OVCH1: variants seen among roughly 807,000 people sequenced by gnomAD.
OVCH1 encodes ovochymase 1.
OVCH1 carries 139 observed loss-of-function variants against 138.4 expected under a neutral mutation model. That is an observed-to-expected ratio of 1.00 (90% CI 0.87 to 1.16). The LOEUF is 1.16. Ranked by LOEUF, OVCH1 falls within the 50% of genes most tolerant of loss-of-function variation. OVCH1 has a pLI of 0.00. For synonymous variants in OVCH1, 453 were observed against 467.8 expected (o/e 0.97, Z 0.41); for missense variants, 1,367 against 1,357.9 (o/e 1.01, Z -0.11).
At chr12:29,446,728 A>G (rs1300837335) in intron 22 of OVCH1, among the ~76,000 whole-genome samples, 3 of 152,090 alleles carry the variant, frequency 2.0e-5, no homozygotes, top group African/African-American at 4.8e-5. Flanking sequence ...AGTGCTATCA[A>G]TTGGGAAGAA....
At chr12:29,470,463 G>GGTTT (rs1942465692) in intron 16 of OVCH1, among the ~76,000 whole-genome samples, 2 of 152,116 alleles carry the variant, frequency 1.3e-5, no homozygotes, top group Non-Finnish European at 2.9e-5. Context: ...GTGAGAACAT[G>GGTTT]CATTGTTTGG....
At chr12:29,471,213 ATATATTATG>A (rs1942497438) in intron 16 of OVCH1, among the ~76,000 whole-genome samples, 1 of 152,224 alleles carries the variant, frequency 6.6e-6, no homozygotes, top group African/African-American at 2.4e-5. Flanking sequence ...TAAACTACAA[ATATATTATG>A]TATATTATTT....
intron 25 of OVCH1, 130 bp downstream of exon 25, chr12:29,443,231 T>C: frequency 1.1e-6 from 1 of 880,260 alleles, no homozygotes; most frequent in Non-Finnish European, 1.6e-6. Context: ...TAACAGTAAG[T>C]CTATTTCAAC....
downstream of OVCH1, among the ~76,000 whole-genome samples, chr12:29,410,632 A>G (rs1173400838): frequency 2.5e-4 from 36 of 145,338 alleles, no homozygotes; most frequent in South Asian, 2.3e-4. Context: ...AATGTTGAAT[A>G]TTGGCCCCCA....
chr12:29,426,782 C>G (rs910812846), downstream of OVCH1, among the ~76,000 whole-genome samples: 1 of 152,198 alleles, frequency 6.6e-6, no homozygotes, highest in Non-Finnish European at 1.5e-5. Flanking sequence ...GCAACATCAT[C>G]TATTGTCTAA....
intron 8 of OVCH1, among the ~76,000 whole-genome samples, chr12:29,482,730 G>A (rs1173122374): frequency 1.3e-5 from 2 of 152,158 alleles, no homozygotes; most frequent in African/African-American, 4.8e-5. Context: ...GATGGCATTT[G>A]ATCTGATTTT....
intron 26 of OVCH1, among the ~76,000 whole-genome samples, chr12:29,434,684 C>T (rs1478208306): frequency 6.7e-6 from 1 of 149,722 alleles, no homozygotes; most frequent in East Asian, 1.9e-4. Flanking sequence ...AAAAGTGAAT[C>T]TCTTTCACAT....
intron 25 of OVCH1, among the ~76,000 whole-genome samples, chr12:29,442,220 G>C (rs913301768): frequency 6.6e-5 from 10 of 151,736 alleles, no homozygotes; most frequent in South Asian, 6.3e-4. Context: ...TTGGAACCAA[G>C]CCAAATGTCC....
intron 19 of OVCH1, among the ~76,000 whole-genome samples, chr12:29,458,917 A>T (rs1013793285): frequency 9.9e-5 from 15 of 152,218 alleles, no homozygotes; most frequent in African/African-American, 3.6e-4. Context: ...GAGAAATGCA[A>T]ATCAAAACTA....
chr12:29,479,520 C>A (rs1396272770), intron 8 of OVCH1, among the ~76,000 whole-genome samples: 1 of 152,156 alleles, frequency 6.6e-6, no homozygotes, highest in East Asian at 1.9e-4. Flanking sequence ...TAATCCCTTA[C>A]CTTCATTTTC....
exon 10 of OVCH1, chr12:29,477,555 C>T (rs374373774): frequency 8.1e-6 from 13 of 1,613,658 alleles, no homozygotes; most frequent in East Asian, 4.5e-5. Flanking sequence ...TGTTTTCCAT[C>T]GTCTTCCATG....
intron 3 of OVCH1, among the ~76,000 whole-genome samples, chr12:29,416,525 TA>T (rs1195890950): frequency 1.3e-5 from 2 of 152,168 alleles, no homozygotes; most frequent in Non-Finnish European, 2.9e-5. Context: ...CTGAAGAGGT[TA>T]AAAAATATTA....
intron 7 of OVCH1, chr12:29,487,382 G>C (rs1943140984): frequency 4.4e-6 from 1 of 226,298 alleles, no homozygotes; most frequent in African/African-American, 2.3e-5. Context: ...AAGTAGTACA[G>C]AGAAAAATCA....
intron 19 of OVCH1, 47 bp from the exon 20 acceptor site, chr12:29,455,452 G>T: frequency 6.5e-7 from 1 of 1,536,732 alleles, no homozygotes; most frequent in Non-Finnish European, 8.8e-7. Context: ...TTAATCTGAA[G>T]CTCCTGCTTT....
At chr12:29,496,519 T>C (rs770667970) in intron 2 of OVCH1, 37 bp downstream of exon 2, 4 of 1,499,778 alleles carry the variant, frequency 2.7e-6, no homozygotes, top group Non-Finnish European at 3.7e-6. Context: ...ATTTCACTGT[T>C]TTCTCATTAA....
At chr12:29,451,166 CATA>C (rs201837372) in intron 22 of OVCH1, among the ~76,000 whole-genome samples, 176 bp downstream of exon 22, 3 of 150,086 alleles carry the variant, frequency 2.0e-5, no homozygotes, top group African/African-American at 7.5e-5. Flanking sequence ...AAAGTATAAT[CATA>C]ATAATAATAA....
chr12:29,412,674 T>A (rs776420053), exon 4 of OVCH1: 1 of 152,204 alleles, frequency 6.6e-6, no homozygotes, highest in Non-Finnish European at 1.5e-5. Flanking sequence ...ACATGTAAAG[T>A]CAATTTATTT....
chr12:29,470,985 T>C (rs577081434), intron 16 of OVCH1, among the ~76,000 whole-genome samples: 1 of 152,350 alleles, frequency 6.6e-6, no homozygotes, highest in South Asian at 2.1e-4. Context: ...TTGAGCTTTT[T>C]TTCATATATT....
chr12:29,444,366 C>T (rs1941562504), intron 23 of OVCH1, 86 bp from the exon 24 acceptor site: 2 of 1,334,006 alleles, frequency 1.5e-6, no homozygotes, highest in Non-Finnish European at 2.0e-6. Context: ...AGGTAAACAG[C>T]TCTCTTCCCT....
Sources: gnomAD v4.1 joint callset for allele counts (sites outside exome capture counted in the v4.1 genomes callset) on GRCh38, gnomAD v4.1.1 for gene constraint, MANE v1.5 for transcripts, NCBI Gene and HGNC (gene_info 2026-07-23, HGNC 2026-07-21) for gene names.